The following SCN11A variants were observed in gnomAD, a reference collection of about 807,000 sequenced individuals.
The protein encoded by SCN11A is sodium voltage-gated channel alpha subunit 11.
In SCN11A, 122 loss-of-function variants were observed where a neutral mutation model predicts 162.2. The ratio of observed to expected loss-of-function variants is 0.75; its 90% CI spans 0.65 to 0.87. The LOEUF (loss-of-function observed/expected upper bound fraction) is 0.87, where lower values mean the gene tolerates loss of function less well. Among genes scored for constraint, SCN11A ranks in the 40% least tolerant of loss-of-function variants. The pLI is 0.00. For synonymous variants in SCN11A, 758 were observed against 751.5 expected (o/e 1.01, Z -0.14); for missense variants, 2,015 against 2,181.6 (o/e 0.92, Z 1.52).
At chr3:39,022,504 GGTAAA>G (rs1395285331) in intron 2 of SCN11A, among the ~76,000 whole-genome samples, 5 of 152,054 alleles carry the variant, frequency 3.3e-5, no homozygotes, top group Non-Finnish European at 7.4e-5. Context: ...ACACTTCCTA[GGTAAA>G]GTATAGATTA....
At chr3:38,937,315 A>G (rs2125564637) in intron 7 of SCN11A, among the ~76,000 whole-genome samples, 1 of 150,906 alleles carries the variant, frequency 6.6e-6, no homozygotes, top group African/African-American at 2.4e-5. Context: ...GGCATGGGCA[A>G]GGACTTCATG....
At chr3:38,915,082 G>T (rs1469477737) in intron 11 of SCN11A, among the ~76,000 whole-genome samples, 3 of 152,004 alleles carry the variant, frequency 2.0e-5, no homozygotes, top group African/African-American at 7.2e-5. Flanking sequence ...GTAGAATTCA[G>T]CTATGGATCC....
chr3:38,939,404 T>C (rs1207560715), intron 7 of SCN11A, among the ~76,000 whole-genome samples: 2 of 151,790 alleles, frequency 1.3e-5, no homozygotes, highest in Non-Finnish European at 2.9e-5. Flanking sequence ...AAATGATAAA[T>C]GAGAAGAAGA....
intron 2 of SCN11A, among the ~76,000 whole-genome samples, chr3:38,996,025 T>C (rs1019102441): frequency 9.9e-5 from 15 of 152,124 alleles, no homozygotes; most frequent in Non-Finnish European, 1.8e-4. Context: ...GCGCGCTCTC[T>C]CTCTTTCTGT....
intron 26 of SCN11A, among the ~76,000 whole-genome samples, chr3:38,868,814 C>A (rs1449500951): frequency 6.6e-6 from 1 of 152,160 alleles, no homozygotes; most frequent in African/African-American, 2.4e-5. Flanking sequence ...TGAGATATAT[C>A]AGGAAGGCAG....
intron 11 of SCN11A, among the ~76,000 whole-genome samples, chr3:38,915,898 C>A (rs576204615): frequency 6.6e-6 from 1 of 152,158 alleles, no homozygotes; most frequent in Admixed American, 6.6e-5. Flanking sequence ...ACTGTCAGTG[C>A]TGTGTTGAAG....
chr3:38,851,684 TTA>T (rs2064782290), intron 28 of SCN11A, among the ~76,000 whole-genome samples: 1 of 152,230 alleles, frequency 6.6e-6, no homozygotes, highest in Non-Finnish European at 1.5e-5. Context: ...TTGTTTTATA[TTA>T]TATTATCACC....
At chr3:38,892,323 A>G (rs1288338110) in intron 19 of SCN11A, among the ~76,000 whole-genome samples, 2 of 152,238 alleles carry the variant, frequency 1.3e-5, no homozygotes, top group Non-Finnish European at 2.9e-5. Flanking sequence ...ATGGTAATAC[A>G]ACACACAAGT....
chr3:39,004,204 G>GT (rs1468465449), intron 2 of SCN11A, among the ~76,000 whole-genome samples: 2 of 152,186 alleles, frequency 1.3e-5, no homozygotes, highest in Non-Finnish European at 2.9e-5. Context: ...TGTATATGGT[G>GT]TAAGGAAGGG....
chr3:38,981,940 G>T (rs11926311), intron 2 of SCN11A, among the ~76,000 whole-genome samples: 13,104 of 151,360 alleles, frequency 0.087, 829 homozygotes, highest in African/African-American at 0.17. Flanking sequence ...GGAGGCAGAG[G>T]TTGCAGTGAG....
At chr3:38,966,596 A>G (rs1273720287) in intron 2 of SCN11A, among the ~76,000 whole-genome samples, 1 of 152,208 alleles carries the variant, frequency 6.6e-6, no homozygotes, top group Non-Finnish European at 1.5e-5. Flanking sequence ...TATTATTTGT[A>G]TGTGTTGGGA....
intron 1 of SCN11A, among the ~76,000 whole-genome samples, chr3:39,045,233 A>T (rs1319772042): frequency 1.3e-5 from 2 of 152,184 alleles, no homozygotes; most frequent in African/African-American, 4.8e-5. Flanking sequence ...ACTAACACCA[A>T]TTCCTCTCAA....
chr3:38,941,422 A>G (rs1480073589), intron 7 of SCN11A, among the ~76,000 whole-genome samples: 1 of 152,232 alleles, frequency 6.6e-6, no homozygotes, highest in Non-Finnish European at 1.5e-5. Flanking sequence ...TTCAGGCTAA[A>G]AAGAAATACT....
At chr3:39,037,021 C>T (rs2031919572) in intron 1 of SCN11A, among the ~76,000 whole-genome samples, 1 of 152,232 alleles carries the variant, frequency 6.6e-6, no homozygotes, top group South Asian at 2.1e-4. Flanking sequence ...GATATCTGCA[C>T]TCTCATGTTT....
At chr3:38,992,056 A>C (rs1358320070) in intron 2 of SCN11A, among the ~76,000 whole-genome samples, 2 of 152,020 alleles carry the variant, frequency 1.3e-5, no homozygotes, top group African/African-American at 4.8e-5. Flanking sequence ...TGATCTGCCC[A>C]TCTCGGCCTC....
At chr3:38,861,505 A>G (rs901429542) in intron 28 of SCN11A, among the ~76,000 whole-genome samples, 1 of 152,208 alleles carries the variant, frequency 6.6e-6, no homozygotes, top group Admixed American at 6.6e-5. Context: ...CTACAAGGCC[A>G]TAGTTACTGA....
In SCN11A at chr3:38,946,729, G is replaced by T. The variant is rs73828726; in HGVS notation, c.386+60C>A. The T allele has an allele frequency of 4.6e-6, 5 of 1,081,410 alleles. No homozygotes were observed. The Admixed American group carries it at 8.1e-5, about 18-fold the overall frequency. 67.0% of individuals were successfully genotyped at this position (1,081,410 alleles called of 1,614,324 possible). On this transcript the variant is annotated intron_variant, in intron 6 of 29. Coordinates refer to ENST00000302328, the MANE Select transcript of SCN11A (RefSeq NM_001349253.2). ...GCTTCCATCCAATAACATGAACACC[G>T]TGGGGCACGTGCACTTTTCAAATGA...
chr3:39,008,191 T>C lies in SCN11A; in HGVS notation c.-280+24189A>G, dbSNP rs561897759. ...GGCTTTTGACTTCTCAATAGCAACA[T>C]TGGGGTCTAAAAGATAATGGAGTAA... On this transcript the variant is annotated intron_variant, in intron 2 of 29. Transcript: ENST00000302328. Among the ~76,000 whole-genome samples, 23 of 152,308 alleles carry C rather than the reference T, an allele frequency of 1.5e-4. No homozygotes were observed. In the South Asian group the frequency reaches 2.5e-3, roughly 16 times the overall value.
intron 26 of SCN11A, among the ~76,000 whole-genome samples, chr3:38,867,750 C>G (rs1247694980): frequency 1.3e-5 from 2 of 152,050 alleles, no homozygotes; most frequent in African/African-American, 4.8e-5. Context: ...TCACATTTGT[C>G]TTTTTAAAAA....
Sources: gnomAD v4.1 joint callset for allele counts (sites outside exome capture counted in the v4.1 genomes callset) on GRCh38, gnomAD v4.1.1 for gene constraint, MANE v1.5 for transcripts, NCBI Gene and HGNC (gene_info 2026-07-23, HGNC 2026-07-21) for gene names.